Variants in IGF1R observed in about 807,000 individuals in gnomAD.
IGF1R encodes the protein insulin like growth factor 1 receptor.
In IGF1R, 44 loss-of-function variants were observed where a neutral mutation model predicts 144.6. The ratio of observed to expected loss-of-function variants is 0.30; its 90% confidence interval spans 0.24 to 0.39. IGF1R has a LOEUF of 0.39. Ranked by LOEUF, IGF1R falls within the 10% of genes least tolerant of loss-of-function variation. The pLI is 1.00. For synonymous variants in IGF1R, 795 were observed against 722.8 expected, an observed-to-expected ratio of 1.10 and a Z score of -1.60; for missense variants, 1,355 against 1,833.7, an observed-to-expected ratio of 0.74 and a Z score of 4.77.
intron 2 of IGF1R, among the ~76,000 whole-genome samples, chr15:98,802,896 C>T (rs897037410): frequency 6.6e-6 from 1 of 152,052 alleles, no homozygotes; most frequent in African/African-American, 2.4e-5. Context: ...GAAAAGTAAA[C>T]GTAATATGTA....
At chr15:98,864,665 C>A (rs932870691) in intron 2 of IGF1R, among the ~76,000 whole-genome samples, 1 of 152,094 alleles carries the variant, frequency 6.6e-6, no homozygotes, top group Non-Finnish European at 1.5e-5. Flanking sequence ...TGATTACAGG[C>A]GGGAGCCACA....
chr15:98,764,128 C>T (rs1029903095), intron 2 of IGF1R, among the ~76,000 whole-genome samples: 1 of 152,230 alleles, frequency 6.6e-6, no homozygotes, highest in Non-Finnish European at 1.5e-5. Context: ...ACCTCATCTT[C>T]TTTCAGCCCA....
intron 1 of IGF1R, among the ~76,000 whole-genome samples, chr15:98,701,486 G>C (rs535474842): frequency 6.6e-6 from 1 of 151,724 alleles, no homozygotes; most frequent in East Asian, 1.9e-4. Context: ...ACAGGTGCCC[G>C]CCACCACACC....
intron 2 of IGF1R, among the ~76,000 whole-genome samples, chr15:98,810,202 T>C (rs1362977213): frequency 6.6e-6 from 1 of 152,118 alleles, no homozygotes; most frequent in Non-Finnish European, 1.5e-5. Flanking sequence ...ACTTGACTGG[T>C]GTACTGCTCT....
At chr15:98,663,165 A>G (rs1223187050) in intron 1 of IGF1R, among the ~76,000 whole-genome samples, 1 of 152,084 alleles carries the variant, frequency 6.6e-6, no homozygotes, top group Non-Finnish European at 1.5e-5. Context: ...GTGACTGGTG[A>G]GATGGGTCCT....
At chr15:98,749,863 TTA>T (rs949503500) in intron 2 of IGF1R, among the ~76,000 whole-genome samples, 6 of 149,354 alleles carry the variant, frequency 4.0e-5, no homozygotes, top group African/African-American at 1.2e-4. Context: ...TTTTATCGTT[TTA>T]GACTTTTAAA....
chr15:98,874,690 C>T (rs1000475503), intron 2 of IGF1R, among the ~76,000 whole-genome samples: 2 of 152,184 alleles, frequency 1.3e-5, no homozygotes, highest in African/African-American at 4.8e-5. Context: ...TCTTGAGTTG[C>T]TTTCAGCTCC....
intron 1 of IGF1R, among the ~76,000 whole-genome samples, chr15:98,657,925 A>G (rs2052522116): frequency 6.6e-6 from 1 of 152,188 alleles, no homozygotes; most frequent in Non-Finnish European, 1.5e-5. Flanking sequence ...AGCCTGGTCC[A>G]GTGCAGACCT....
intron 14 of IGF1R, among the ~76,000 whole-genome samples, chr15:98,929,863 G>T (rs2015872390): frequency 6.6e-6 from 1 of 152,238 alleles, no homozygotes; most frequent in Non-Finnish European, 1.5e-5. Context: ...CGATGGTACA[G>T]ACCTTCCCCT....
chr15:98,778,908 C>A (rs751834100), intron 2 of IGF1R, among the ~76,000 whole-genome samples: 1 of 152,216 alleles, frequency 6.6e-6, no homozygotes, highest in Non-Finnish European at 1.5e-5. Context: ...AATGGAAAAA[C>A]CCACCACCAG....
chr15:98,736,856 C>A (rs1290821681), intron 2 of IGF1R, among the ~76,000 whole-genome samples: 1 of 152,092 alleles, frequency 6.6e-6, no homozygotes, highest in African/African-American at 2.4e-5. Context: ...AGGCAATCCG[C>A]CTATCTCGGG....
chr15:98,711,126 C>T (rs368192418), intron 2 of IGF1R, among the ~76,000 whole-genome samples: 3 of 152,272 alleles, frequency 2.0e-5, no homozygotes, highest in East Asian at 1.9e-4. Context: ...CTCATAGCCC[C>T]GCATGTACCT....
intron 5 of IGF1R, among the ~76,000 whole-genome samples, chr15:98,900,071 C>A (rs552173456): frequency 2.5e-4 from 38 of 152,184 alleles, no homozygotes; most frequent in Non-Finnish European, 4.9e-4. Flanking sequence ...ACGGGAGGAG[C>A]ATGGGCGGTT....
intron 15 of IGF1R, among the ~76,000 whole-genome samples, chr15:98,932,508 A>T (rs2015984150): frequency 6.6e-6 from 1 of 152,170 alleles, no homozygotes; most frequent in African/African-American, 2.4e-5. Context: ...AGAGAAAAGG[A>T]TTGAGCGTAT....
At chr15:98,692,962 C>T (rs968875451) in intron 1 of IGF1R, among the ~76,000 whole-genome samples, 8 of 152,148 alleles carry the variant, frequency 5.3e-5, no homozygotes, top group Non-Finnish European at 7.3e-5. Flanking sequence ...TAGTCTCCAG[C>T]GTGATTGCAT....
intron 13 of IGF1R, among the ~76,000 whole-genome samples, chr15:98,926,306 T>C (rs2015716280): frequency 6.6e-6 from 1 of 152,130 alleles, no homozygotes; most frequent in Non-Finnish European, 1.5e-5. Context: ...TACCAGGGGC[T>C]GAGGGTGAGG....
chr15:98,911,185 T>G, intron 6 of IGF1R, 130 bp from the exon 7 acceptor site: 1 of 995,944 alleles, frequency 1.0e-6, no homozygotes, highest in Non-Finnish European at 1.6e-6. Flanking sequence ...AGAAAGCCAC[T>G]GAGGAAGCCC....
At chr15:98,802,313 G>T (rs2056380112) in intron 2 of IGF1R, among the ~76,000 whole-genome samples, 1 of 152,270 alleles carries the variant, frequency 6.6e-6, no homozygotes, top group African/African-American at 2.4e-5. Context: ...CATGTTGTAC[G>T]TCATCTCTGA....
At chr15:98,923,458 C>G (rs2015576330) in intron 11 of IGF1R, among the ~76,000 whole-genome samples, 1 of 152,266 alleles carries the variant, frequency 6.6e-6, no homozygotes, top group East Asian at 1.9e-4. Flanking sequence ...GCTTACTCAG[C>G]ATCTTTCCAG....
Sources: allele counts gnomAD v4.1 joint callset (sites outside exome capture counted in the v4.1 genomes callset), GRCh38; gene constraint gnomAD v4.1.1; transcripts MANE v1.5; gene names NCBI Gene and HGNC (gene_info 2026-07-23, HGNC 2026-07-21).